The following CCDC73 variants were observed in gnomAD, a reference collection of about 807,000 sequenced individuals.
CCDC73 encodes the protein coiled-coil domain containing 73.
In CCDC73, 95 loss-of-function variants were observed where a neutral mutation model predicts 116.5. The ratio of observed to expected loss-of-function variants is 0.82; its 90% CI spans 0.69 to 0.97. CCDC73 has a LOEUF of 0.97. CCDC73 is among the 50% of genes least tolerant of loss of function. CCDC73 has a pLI of 0.00. For synonymous variants in CCDC73, 398 were observed against 401.3 expected, an observed-to-expected ratio of 0.99 and a Z score of 0.10; for missense variants, 1,066 against 1,206.8, an observed-to-expected ratio of 0.88 and a Z score of 1.73.
At chr11:32,686,142 G>A (rs1856197613) in intron 6 of CCDC73, among the ~76,000 whole-genome samples, 1 of 146,372 alleles carries the variant, frequency 6.8e-6, no homozygotes, top group Non-Finnish European at 1.5e-5. Flanking sequence ...TGATGAAGGA[G>A]GACTAGGGTG....
the CCDC73 span, among the ~76,000 whole-genome samples, chr11:32,803,356 G>C: frequency 2.0e-5 from 3 of 152,162 alleles, no homozygotes; most frequent in African/African-American, 7.2e-5. Flanking sequence ...CTCCCAAAGT[G>C]CTGGGATTAC....
chr11:32,624,662 T>C (rs571838868), intron 14 of CCDC73, among the ~76,000 whole-genome samples: 35 of 152,324 alleles, frequency 2.3e-4, no homozygotes, highest in African/African-American at 7.9e-4. Context: ...GACCCAGCAA[T>C]TCCATTACTA....
At chr11:32,765,160 T>C (rs1401741190) in intron 1 of CCDC73, among the ~76,000 whole-genome samples, 2 of 152,138 alleles carry the variant, frequency 1.3e-5, no homozygotes, top group Non-Finnish European at 2.9e-5. Context: ...CACACAATAA[T>C]AATGGGAGAC....
chr11:32,710,662 G>A (rs562354495), intron 3 of CCDC73, among the ~76,000 whole-genome samples: 29 of 152,270 alleles, frequency 1.9e-4, no homozygotes, highest in African/African-American at 6.5e-4. Flanking sequence ...ATATTCTGCA[G>A]TTGTTGGGTA....
At chr11:32,798,886 T>G (rs1850748257), upstream of CCDC73, among the ~76,000 whole-genome samples, 1 of 144,716 alleles carries the variant, frequency 6.9e-6, no homozygotes, top group Non-Finnish European at 1.5e-5. Context: ...TTTTGTTTGG[T>G]TTTTGCGTTT....
chr11:32,785,686 G>A (rs1453147512), intron 1 of CCDC73, among the ~76,000 whole-genome samples: 3 of 152,168 alleles, frequency 2.0e-5, no homozygotes, highest in Non-Finnish European at 4.4e-5. Flanking sequence ...TTACAGGCAT[G>A]AGCCACCATG....
chr11:32,657,446 G>T (rs1855883987), intron 9 of CCDC73, among the ~76,000 whole-genome samples: 1 of 152,196 alleles, frequency 6.6e-6, no homozygotes, highest in African/African-American at 2.4e-5. Context: ...ACCAAAGTTT[G>T]AATGAAGGGG....
At chr11:32,613,266 T>C (rs1855438763) in intron 16 of CCDC73, among the ~76,000 whole-genome samples, 156 bp downstream of exon 16, 1 of 152,194 alleles carries the variant, frequency 6.6e-6, no homozygotes, top group South Asian at 2.1e-4. Context: ...TTCACTGTAT[T>C]TGCTCTAAAA....
At chr11:32,699,979 C>T (rs1849798379) in intron 5 of CCDC73, among the ~76,000 whole-genome samples, 1 of 150,898 alleles carries the variant, frequency 6.6e-6, no homozygotes, top group Non-Finnish European at 1.5e-5. Flanking sequence ...AATTACATTT[C>T]TAAAGATTTC....
intron 3 of CCDC73, among the ~76,000 whole-genome samples, chr11:32,705,047 C>A (rs1023804810): frequency 6.6e-6 from 1 of 152,220 alleles, no homozygotes; most frequent in African/African-American, 2.4e-5. Context: ...GCTTGCCAAG[C>A]TGCAGGTGGG....
At chr11:32,730,191 T>C (rs1850063328) in intron 2 of CCDC73, among the ~76,000 whole-genome samples, 1 of 152,242 alleles carries the variant, frequency 6.6e-6, no homozygotes, top group Non-Finnish European at 1.5e-5. Context: ...AGACCACTAC[T>C]ATATAATACA....
chr11:32,767,269 T>C (rs1442710513), intron 1 of CCDC73, among the ~76,000 whole-genome samples: 1 of 152,228 alleles, frequency 6.6e-6, no homozygotes, highest in African/African-American at 2.4e-5. Flanking sequence ...GCTAGCCATA[T>C]GTAGAAAACT....
chr11:32,607,689 A>G (rs1463641407), intron 17 of CCDC73, among the ~76,000 whole-genome samples: 1 of 152,130 alleles, frequency 6.6e-6, no homozygotes. Flanking sequence ...TAGTCACCAT[A>G]TTTTAATGAT....
chr11:32,816,800 T>C, the CCDC73 span, among the ~76,000 whole-genome samples: 2 of 152,192 alleles, frequency 1.3e-5, no homozygotes, highest in African/African-American at 4.8e-5. Flanking sequence ...TTTTATTTTT[T>C]GAGATGGAGT....
intron 12 of CCDC73, among the ~76,000 whole-genome samples, chr11:32,645,727 T>C (rs746528270): frequency 1.3e-5 from 2 of 152,232 alleles, no homozygotes; most frequent in African/African-American, 2.4e-5. Flanking sequence ...CACTTTTATA[T>C]GACAGTGCAG....
At chr11:32,639,159 C>CT (rs1242444741) in intron 13 of CCDC73, among the ~76,000 whole-genome samples, 1 of 149,810 alleles carries the variant, frequency 6.7e-6, no homozygotes, top group Non-Finnish European at 1.5e-5. Flanking sequence ...CCCGACACCC[C>CT]CCCCAAAAAA....
chr11:32,703,800 G>A (rs1421876264), intron 3 of CCDC73, among the ~76,000 whole-genome samples: 1 of 152,108 alleles, frequency 6.6e-6, no homozygotes, highest in African/African-American at 2.4e-5. Context: ...TTTGGTGGAA[G>A]TTGCACGTTC....
chr11:32,671,058 T>A (rs1233820197), intron 9 of CCDC73, among the ~76,000 whole-genome samples: 1 of 152,214 alleles, frequency 6.6e-6, no homozygotes, highest in Non-Finnish European at 1.5e-5. Context: ...GAACTTTTAG[T>A]ACACTGTCTG....
chr11:32,691,985 T>C (rs1856263478), intron 6 of CCDC73, among the ~76,000 whole-genome samples: 1 of 148,892 alleles, frequency 6.7e-6, no homozygotes. Context: ...GAGGTGGAGC[T>C]TGCAGTGAGC....
Sources: gnomAD v4.1 joint callset for allele counts (sites outside exome capture counted in the v4.1 genomes callset) on GRCh38, gnomAD v4.1.1 for gene constraint, MANE v1.5 for transcripts, NCBI Gene and HGNC (gene_info 2026-07-23, HGNC 2026-07-21) for gene names.